Variants in RYR2 observed in about 807,000 individuals in gnomAD.
RYR2 encodes cardiac muscle ryanodine receptor-calcium release channel.
In RYR2, 227 loss-of-function variants were observed where a neutral mutation model predicts 601.1. That is an observed-to-expected ratio of 0.38 (90% CI 0.34 to 0.42). The LOEUF is 0.42. Ranked by LOEUF, RYR2 falls within the 10% of genes least tolerant of loss-of-function variation. The pLI is 1.00. For missense variants in RYR2, 4,646 were observed against 6,156.5 expected (o/e 0.75, Z 8.21); for synonymous variants, 2,223 against 2,175.1 (o/e 1.02, Z -0.61).
At chr1:237,663,757 C>T (rs1311494184) in intron 56 of RYR2, among the ~76,000 whole-genome samples, 1 of 152,154 alleles carries the variant, frequency 6.6e-6, no homozygotes, top group Non-Finnish European at 1.5e-5. Context: ...TTATGTGGAT[C>T]AATAACCTGA....
chr1:237,440,510 G>A (rs1251997204), intron 12 of RYR2, among the ~76,000 whole-genome samples: 1 of 152,130 alleles, frequency 6.6e-6, no homozygotes, highest in Non-Finnish European at 1.5e-5. Flanking sequence ...AAAATGGAAA[G>A]AGTATGTTGG....
intron 14 of RYR2, among the ~76,000 whole-genome samples, chr1:237,451,580 C>CAA (rs3035864): frequency 0.15 from 18,153 of 119,734 alleles, 1,324 homozygotes; most frequent in Admixed American, 0.22. Context: ...AACTCTGTCT[C>CAA]AAAAAAAAAA....
chr1:237,633,828 G>A (rs1254954586), intron 43 of RYR2, 118 bp downstream of exon 43: 2 of 1,028,946 alleles, frequency 1.9e-6, no homozygotes, highest in Middle Eastern at 3.3e-4. Flanking sequence ...CACAAAAGAA[G>A]ACAGATAGTT....
rs1695335578 is a variant in RYR2, at chr1:237,783,932, G to A, written c.12220G>A (p.Glu4074Lys). 6.2e-7 allele frequency: 1 copy of A among 1,613,552 alleles called. No homozygotes were observed. The highest frequency in any genetic ancestry group is 8.5e-7 in the Non-Finnish European group (1 of 1,179,688). Residue 4074 changes from glutamate to lysine, a missense_variant, in exon 90 of 105, where the codon GAG (glutamate) becomes AAG (lysine). Physicochemically the swap from Glu to Lys is moderately conservative, Grantham distance 56. Transcript: ENST00000366574. Reference protein sequence around the residue: ...EFLLSCAETDENETLDYEEFV... With the variant: ...EFLLSCAETDKNETLDYEEFV... ...TCTTTTGTCTTGTGCGGAGACGGATGAGAATGAAACCCTCGACTACGAAGA... is the reference window on the plus strand; with the variant it reads ...TCTTTTGTCTTGTGCGGAGACGGATAAGAATGAAACCCTCGACTACGAAGA...
chr1:237,647,723 T>G (rs1210266534), intron 48 of RYR2, among the ~76,000 whole-genome samples: 1 of 152,202 alleles, frequency 6.6e-6, no homozygotes, highest in Non-Finnish European at 1.5e-5. Flanking sequence ...CAGCACCAGT[T>G]TGGCGTAATT....
At chr1:237,812,711 A>C (rs1477842184) in intron 100 of RYR2, among the ~76,000 whole-genome samples, 2 of 152,112 alleles carry the variant, frequency 1.3e-5, no homozygotes, top group East Asian at 1.9e-4. Flanking sequence ...ACTTACTTAC[A>C]TTTGCTAGTC....
At chr1:237,253,996 T>C (rs1051613087) in intron 1 of RYR2, among the ~76,000 whole-genome samples, 3 of 152,232 alleles carry the variant, frequency 2.0e-5, no homozygotes, top group Non-Finnish European at 4.4e-5. Flanking sequence ...ATCTATGAAC[T>C]GATAGATAAA....
intron 2 of RYR2, among the ~76,000 whole-genome samples, chr1:237,292,900 G>A (rs1233826915): frequency 2.0e-5 from 3 of 151,988 alleles, no homozygotes; most frequent in Admixed American, 6.6e-5. Context: ...TGTCTGGCCA[G>A]TACTTACTAA....
chr1:237,242,502 A>G (rs1170630717), intron 1 of RYR2, among the ~76,000 whole-genome samples: 4 of 152,116 alleles, frequency 2.6e-5, no homozygotes, highest in African/African-American at 9.7e-5. Context: ...CTGAATTTTA[A>G]GTCTTGTGAA....
intron 34 of RYR2, among the ~76,000 whole-genome samples, chr1:237,598,520 T>A (rs1444616649): frequency 1.3e-5 from 2 of 152,120 alleles, no homozygotes; most frequent in Non-Finnish European, 2.9e-5. Flanking sequence ...TGAGGAAACT[T>A]TACGAATACA....
At chr1:237,052,331 A>C (rs925616017) in intron 1 of RYR2, among the ~76,000 whole-genome samples, 2 of 152,228 alleles carry the variant, frequency 1.3e-5, no homozygotes, top group Non-Finnish European at 2.9e-5. Context: ...GGATGTGGTC[A>C]TGATATTGGG....
intron 11 of RYR2, 64 bp from the exon 12 acceptor site, chr1:237,423,028 T>A: frequency 1.3e-6 from 2 of 1,545,342 alleles, no homozygotes; most frequent in Non-Finnish European, 1.7e-6. Context: ...CGACATATGT[T>A]TTAATAGCTA....
chr1:237,614,714 C>T lies in RYR2; in HGVS notation c.5586C>T (p.Asp1862=), dbSNP rs193922628. The part of the protein sequence containing the change: ...KEAATPEEES[D]TLEKELSVDD... ...CTGCCACTCCGGAGGAGGAGAGTGA[C>T]ACGCTGGAGAAAGAGCTCAGTGTGG... Residue 1862 remains aspartate, a synonymous_variant, in exon 37 of 105, where the codon GAC becomes GAT. Transcript: ENST00000366574. The surrounding 1 kb of genome is among the most constrained non-coding windows in gnomAD (Gnocchi z 4.3). 1.9e-3 allele frequency: 3,020 copies of T among 1,613,884 alleles called. 4 individuals are homozygous for T. Among genetic ancestry groups the T allele is most frequent in the Non-Finnish European group, 2.4e-3 (2,864 of 1,179,906 alleles).
At chr1:237,430,251 A>G (rs888240598) in intron 12 of RYR2, among the ~76,000 whole-genome samples, 2 of 151,118 alleles carry the variant, frequency 1.3e-5, no homozygotes, top group Admixed American at 1.3e-4. Context: ...CATAATATAT[A>G]TTGATCTGGA....
chr1:237,228,799 A>C (rs1321544933), intron 1 of RYR2, among the ~76,000 whole-genome samples: 1 of 152,230 alleles, frequency 6.6e-6, no homozygotes, highest in Non-Finnish European at 1.5e-5. Context: ...TGCACTGTTC[A>C]AAATGTAAAT....
chr1:237,299,140 A>ATTTTTTTTTTTTTTTTTTTTTT (rs1572518901), intron 2 of RYR2, among the ~76,000 whole-genome samples: 1 of 41,702 alleles, frequency 2.4e-5, no homozygotes. Flanking sequence ...TTTTTTTTTC[A>ATTTTTTTTTTTTTTTTTTTTTT]TTTCATTTCA....
intron 10 of RYR2, among the ~76,000 whole-genome samples, chr1:237,404,105 T>C (rs977261520): frequency 6.6e-6 from 1 of 152,064 alleles, no homozygotes; most frequent in Non-Finnish European, 1.5e-5. Flanking sequence ...AATACAAAAA[T>C]CAGCCAGGCC....
At chr1:237,684,551 C>G (rs1000500569) in intron 62 of RYR2, among the ~76,000 whole-genome samples, 4 of 152,138 alleles carry the variant, frequency 2.6e-5, no homozygotes, top group African/African-American at 9.7e-5. Flanking sequence ...GAAATTTCAA[C>G]TCTGGGTAGT....
chr1:237,402,839 CG>C, intron 10 of RYR2, among the ~76,000 whole-genome samples: 1 of 10,984 alleles, frequency 9.1e-5, no homozygotes, highest in Admixed American at 1.3e-3. Flanking sequence ...TGGAGTACAG[CG>C]GTGAAATCAT....
Sources: allele counts gnomAD v4.1 joint callset (sites outside exome capture counted in the v4.1 genomes callset), GRCh38; gene constraint gnomAD v4.1.1; non-coding constraint Gnocchi (gnomAD v3.1); transcripts MANE v1.5; gene names NCBI Gene and HGNC (gene_info 2026-07-23, HGNC 2026-07-21).